ARHGEF9: variants seen among roughly 807,000 people sequenced by gnomAD.
The protein encoded by ARHGEF9 is Cdc42 guanine nucleotide exchange factor 9, also known as rho guanine nucleotide exchange factor 9.
A neutral mutation model predicts 41.3 loss-of-function variants in ARHGEF9; 2 were observed. That is an observed-to-expected ratio of 0.05 (90% CI 0.02 to 0.15). ARHGEF9 has a LOEUF of 0.15. Ranked by LOEUF, ARHGEF9 falls within the 10% of genes least tolerant of loss-of-function variation. The probability of loss-of-function intolerance (pLI) is 1.00; values close to 1 mark genes in which losing one functional copy is unlikely to be tolerated. For synonymous variants in ARHGEF9, 160 were observed against 154.4 expected (o/e 1.04, Z -0.27); for missense variants, 225 against 424.7 (o/e 0.53, Z 4.13).
intron 4 of ARHGEF9, among the ~76,000 whole-genome samples, chrX:63,683,620 C>T (rs1421171653): frequency 1.8e-5 from 2 of 111,423 alleles, no homozygotes; most frequent in Non-Finnish European, 3.8e-5. Flanking sequence ...CTATGGAAAT[C>T]AAAACAGTAT....
intron 1 of ARHGEF9, among the ~76,000 whole-genome samples, chrX:63,760,024 C>G (rs113602745): frequency 0.024 from 2,697 of 111,096 alleles, 80 homozygotes; most frequent in African/African-American, 0.084. Flanking sequence ...TCAGTGTCTT[C>G]ATCTGGGCCT....
chrX:63,784,336 A>G (rs1235280119), intron 1 of ARHGEF9, among the ~76,000 whole-genome samples: 1 of 112,618 alleles, frequency 8.9e-6, no homozygotes, highest in Non-Finnish European at 1.9e-5. Flanking sequence ...AAGTCATTCC[A>G]AGGTCTCCAG....
intron 2 of ARHGEF9, among the ~76,000 whole-genome samples, chrX:63,710,688 A>G (rs1411434670): frequency 9.0e-6 from 1 of 111,455 alleles, no homozygotes; most frequent in Non-Finnish European, 1.9e-5. Flanking sequence ...TTTTCTCCAA[A>G]TAATAATGAA....
rs879976670 is a variant in ARHGEF9, at chrX:63,655,409, C to T, written c.1321+85G>A. ...AGTCAGTTTGCAACAGAAATCTTCC[C>T]TCTGACTCCAAGAAAATGGAAACCA... On this transcript the variant is annotated intron_variant, in intron 8 of 9. Coordinates refer to ENST00000671741, the MANE Select transcript of ARHGEF9 (RefSeq NM_001353921.2). 16 of 1,179,650 alleles carry T rather than the reference C, an allele frequency of 1.4e-5. No individual in the cohort carries two copies. In the South Asian group the frequency reaches 2.9e-4, roughly 21 times the overall value.
intron 1 of ARHGEF9, among the ~76,000 whole-genome samples, chrX:63,728,980 T>A (rs1363009823): frequency 9.1e-6 from 1 of 109,425 alleles, no homozygotes; most frequent in African/African-American, 3.3e-5. Context: ...GAAAGGGGAG[T>A]GGAGGGAGTG....
At chrX:63,656,400 G>A (rs2048879654) in intron 7 of ARHGEF9, 1 of 112,184 alleles carries the variant, frequency 8.9e-6, no homozygotes, top group African/African-American at 3.2e-5. Context: ...TGTTATTGTT[G>A]TTTTGCTCTC....
At chrX:63,672,883 G>A (rs2050045938) in intron 6 of ARHGEF9, among the ~76,000 whole-genome samples, 1 of 111,991 alleles carries the variant, frequency 8.9e-6, no homozygotes, top group African/African-American at 3.2e-5. Context: ...AAGGAAAAAA[G>A]GACCCACAAT....
chrX:63,759,459 G>A (rs782624061), intron 1 of ARHGEF9, among the ~76,000 whole-genome samples: 1 of 111,123 alleles, frequency 9.0e-6, no homozygotes, highest in Non-Finnish European at 1.9e-5. Flanking sequence ...ATAATGATGG[G>A]GCAGTTCCTC....
chrX:63,693,947 C>A (rs1452126344), intron 4 of ARHGEF9, among the ~76,000 whole-genome samples: 1 of 110,591 alleles, frequency 9.0e-6, no homozygotes, highest in African/African-American at 3.3e-5. Context: ...CTTTGGGAGG[C>A]CGAGGTGGGA....
At chrX:63,648,954 G>A (rs2048331966) in intron 8 of ARHGEF9, among the ~76,000 whole-genome samples, 1 of 111,115 alleles carries the variant, frequency 9.0e-6, no homozygotes, top group Non-Finnish European at 1.9e-5. Flanking sequence ...CATAAAACAA[G>A]TCCTTAGAGA....
chrX:63,755,183 G>A, intron 1 of ARHGEF9: 1 of 938,825 alleles, frequency 1.1e-6, no homozygotes, highest in East Asian at 4.2e-5. Context: ...GCTTGCGTGA[G>A]GCGCGGCCAG....
rs1165184937 is a variant in ARHGEF9, at chrX:63,731,552, G to GTT, written c.31-6843_31-6842dup. Among the ~76,000 whole-genome samples, 40 of 75,871 alleles carry GTT rather than the reference G, an allele frequency of 5.3e-4. 1 individual carries two copies. The highest frequency in any genetic ancestry group is 7.4e-4 in the African/African-American group (15 of 20,275). 65.9% of individuals were successfully genotyped at this position (75,871 alleles called of 115,157 possible). A position where few individuals can be genotyped will look rare whatever the true frequency, so the allele number is the denominator to read the frequency against. ...TGGACAGGTCCCTTTCCCTGTCTCA[G>GTT]TTTTTTTTTTTTTTTTTTTTTTTTT... On this transcript the variant is annotated intron_variant, in intron 1 of 9. Transcript: ENST00000671741.
chrX:63,688,203 G>T (rs1330509221), intron 4 of ARHGEF9, among the ~76,000 whole-genome samples: 2 of 110,042 alleles, frequency 1.8e-5, no homozygotes, highest in African/African-American at 6.6e-5. Context: ...AGGGAGGGGG[G>T]CAACATATTC....
At chrX:63,772,366 C>T (rs1263751007) in intron 1 of ARHGEF9, among the ~76,000 whole-genome samples, 1 of 111,961 alleles carries the variant, frequency 8.9e-6, no homozygotes, top group Non-Finnish European at 1.9e-5. Context: ...CCATTCTCTA[C>T]AGGGCCTGCA....
intron 9 of ARHGEF9, chrX:63,638,483 A>G (rs1330369987): frequency 2.5e-6 from 1 of 402,954 alleles, no homozygotes; most frequent in African/African-American, 2.5e-5. Context: ...GAGAACACTG[A>G]TATCTGAAAA....
Position 63,703,785 on chromosome X carries a change from G to C in ARHGEF9, c.402+2473C>G, listed in dbSNP as rs373012876. On this transcript the variant is annotated intron_variant, in intron 3 of 9. Coordinates refer to ENST00000671741, the MANE Select transcript of ARHGEF9 (RefSeq NM_001353921.2). ...CAGGAAAGGGGCAGAGGCAGTGCAA[G>C]GTTACAGGTTTCAATAGAATGCTTA... Among the ~76,000 whole-genome samples, 5 of 111,728 alleles carry C rather than the reference G, an allele frequency of 4.5e-5. No individual in the cohort carries two copies. The East Asian group carries it at 8.4e-4, about 19-fold the overall frequency.
chrX:63,742,843 G>A (rs2055042105), intron 1 of ARHGEF9, among the ~76,000 whole-genome samples: 1 of 112,443 alleles, frequency 8.9e-6, no homozygotes, highest in Non-Finnish European at 1.9e-5. Flanking sequence ...TGTAGATCCA[G>A]TAGATGCACC....
At chrX:63,713,863 G>C (rs1381347925) in intron 2 of ARHGEF9, among the ~76,000 whole-genome samples, 4 of 110,975 alleles carry the variant, frequency 3.6e-5, no homozygotes, top group African/African-American at 1.3e-4. Context: ...TGTACAGTCA[G>C]ACACAGAAAC....
chrX:63,742,304 C>T (rs113046370), intron 1 of ARHGEF9, among the ~76,000 whole-genome samples: 1,624 of 111,683 alleles, frequency 0.015, 34 homozygotes, highest in African/African-American at 0.051. Flanking sequence ...ACTGAAGGAA[C>T]GAGCTCAATG....
Sources: gnomAD v4.1 joint callset for allele counts (sites outside exome capture counted in the v4.1 genomes callset) on GRCh38, gnomAD v4.1.1 for gene constraint, MANE v1.5 for transcripts, NCBI Gene and HGNC (gene_info 2026-07-23, HGNC 2026-07-21) for gene names.